The following ZBTB40 variants were observed in gnomAD, a reference collection of about 807,000 sequenced individuals.
ZBTB40 encodes the protein zinc finger and BTB domain containing 40.
In ZBTB40, 60 loss-of-function variants were observed where a neutral mutation model predicts 117.5. The observed-to-expected ratio is 0.51, with a 90% CI of 0.41 to 0.63. ZBTB40 has a LOEUF of 0.63. Ranked by LOEUF, ZBTB40 falls within the 30% of genes least tolerant of loss-of-function variation. The probability of loss-of-function intolerance (pLI) is 0.00; values close to 1 mark genes in which losing one functional copy is unlikely to be tolerated. For missense variants in ZBTB40, 1,287 were observed against 1,498.5 expected, an observed-to-expected ratio of 0.86 and a Z score of 2.33; for synonymous variants, 525 against 577.1, an observed-to-expected ratio of 0.91 and a Z score of 1.29.
chr1:22,497,083 T>G (rs1055768844), intron 3 of ZBTB40, among the ~76,000 whole-genome samples: 13 of 152,224 alleles, frequency 8.5e-5, no homozygotes, highest in Non-Finnish European at 1.6e-4. Context: ...GGGAGAAAGA[T>G]GAAGGCTGAA....
chr1:22,479,692 C>T (rs1370715990), intron 1 of ZBTB40, among the ~76,000 whole-genome samples: 2 of 152,176 alleles, frequency 1.3e-5, no homozygotes, highest in African/African-American at 4.8e-5. Context: ...ACATGTTCTC[C>T]AGTGTCTCCA....
chr1:22,526,111 A>G (rs1336059199), intron 17 of ZBTB40, 91 bp from the exon 18 acceptor site: 4 of 1,472,050 alleles, frequency 2.7e-6, no homozygotes, highest in African/African-American at 1.4e-5. Flanking sequence ...AAACATAAAT[A>G]TCATCATTAC....
chr1:22,465,368 TGGCTGAGTCCGG>T (rs774142363), intron 1 of ZBTB40, among the ~76,000 whole-genome samples: 2 of 152,172 alleles, frequency 1.3e-5, no homozygotes, highest in Non-Finnish European at 2.9e-5. Flanking sequence ...TACTCAGCTG[TGGCTGAGTCCGG>T]GGCTTTTATG....
rs577900930 is a variant in ZBTB40 at position 22,501,509 on chromosome 1, C to T, written c.849C>T (p.Phe283=). The T allele has an allele frequency of 1.0e-4, 169 of 1,614,038 alleles. No homozygotes were observed. The Middle Eastern group carries it at 1.2e-3, about 11-fold the overall frequency. The change falls in exon 4 of 18, where the codon TTC becomes TTT. Residue 283 remains phenylalanine, a synonymous_variant. Transcript: ENST00000375647. ...TTCCATAGATGATAGTGAAATGTTT[C>T]GAGGGTGAAGGAGGACATTCAGCAT... ...GPQKEMIVKC[F]EGEGGHSAFQ...
At chr1:22,451,399 C>A (rs1363449812), upstream of ZBTB40, among the ~76,000 whole-genome samples, 1 of 152,102 alleles carries the variant, frequency 6.6e-6, no homozygotes, top group Non-Finnish European at 1.5e-5. Flanking sequence ...TGGTGGGAGG[C>A]CGAGGCAGGT....
intron 12 of ZBTB40, among the ~76,000 whole-genome samples, chr1:22,516,953 C>T (rs911998065): frequency 3.3e-5 from 5 of 152,134 alleles, no homozygotes; most frequent in Admixed American, 6.5e-5. Context: ...CCAGGGGATC[C>T]AAACCCACGT....
intron 3 of ZBTB40, among the ~76,000 whole-genome samples, chr1:22,498,523 C>T (rs1323056891): frequency 2.0e-5 from 3 of 152,204 alleles, no homozygotes; most frequent in Non-Finnish European, 4.4e-5. Context: ...GCTAACTGCC[C>T]TCTCCTGGCC....
At chr1:22,519,372 GGAGT>G (rs1227661683) in intron 13 of ZBTB40, among the ~76,000 whole-genome samples, 1 of 152,176 alleles carries the variant, frequency 6.6e-6, no homozygotes, top group Non-Finnish European at 1.5e-5. Flanking sequence ...CATGGATTTG[GGAGT>G]GAGAGATGGG....
Position 22,526,477 on chromosome 1 carries a change from G to C in ZBTB40, c.*81G>C. The C allele has an allele frequency of 1.3e-6, 2 of 1,578,292 alleles. No homozygotes were observed. Among genetic ancestry groups the C allele is most frequent in the Non-Finnish European group, 1.7e-6 (2 of 1,154,618 alleles). ...AGCTTGCCCTTTGCCCTCCATCCCT[G>C]GCTGTCCTGAGTGGTGAGCATCTTA... On this transcript the variant is annotated 3_prime_UTR_variant, in exon 18 of 18. Coordinates refer to ENST00000375647, the MANE Select transcript of ZBTB40 (RefSeq NM_014870.4).
At position 22,490,481 on chromosome 1, in the gene ZBTB40, C is replaced by G. The variant is rs780338674; in HGVS notation, c.533C>G (p.Ala178Gly). The change falls in exon 2 of 18, where the codon GCA becomes GGA. Residue 178 changes from alanine (A) to glycine (G), a missense_variant. Transcript: ENST00000375647. ...CCTGTGAAAGCTGAGACTGAGGAAG[C>G]AGCCCATTCAGTTTCACAAGAGATG... ...GGPVKAETEEAAHSVSQEMSV... is the reference protein window; with the variant it reads ...GGPVKAETEEGAHSVSQEMSV... The G allele has an allele frequency of 1.3e-6, 2 of 1,598,446 alleles. No homozygotes were observed. Among genetic ancestry groups the G allele is most frequent in the Middle Eastern group, 1.7e-4 (1 of 5,956 alleles).
intron 1 of ZBTB40, among the ~76,000 whole-genome samples, 171 bp downstream of exon 1, chr1:22,452,175 C>T (rs1640892632): frequency 6.6e-6 from 1 of 152,160 alleles, no homozygotes; most frequent in South Asian, 2.1e-4. Flanking sequence ...CCTCCAGGGG[C>T]GGTCCGCACC....
In ZBTB40 at chr1:22,491,421, A is replaced by G. The variant is rs1302062053; in HGVS notation, c.719A>G (p.Gln240Arg). ...TEPGCERKHYQLNFLLENEGV... is the reference protein window; with the variant it reads ...TEPGCERKHYRLNFLLENEGV... ...TTAGGATGTGAAAGGAAACACTACCAGCTGAATTTTCTTCTAGAAAATGAA... is the reference window on the plus strand; with the variant it reads ...TTAGGATGTGAAAGGAAACACTACCGGCTGAATTTTCTTCTAGAAAATGAA... The change falls in exon 3 of 18, where the codon CAG (glutamine) becomes CGG (arginine). Residue 240 changes from glutamine (Q) to arginine (R), a missense_variant. This residue lies in a region of ZBTB40 where 870 missense variants were observed against 934.4 expected (regional missense o/e 0.93). Transcript: ENST00000375647. 1 of 1,613,988 alleles carries G rather than the reference A, an allele frequency of 6.2e-7. No homozygotes were observed. The highest frequency in any genetic ancestry group is 8.5e-7 in the Non-Finnish European group (1 of 1,179,928).
rs564179386 is a variant in ZBTB40 at position 22,484,471 on chromosome 1, A to G, written c.-69-5409A>G. On this transcript the variant is annotated intron_variant, in intron 1 of 17. Coordinates refer to ENST00000375647, the MANE Select transcript of ZBTB40 (RefSeq NM_014870.4). ...CTTATTGCTGGTATATAGGAAAACA[A>G]TTGGCTTTTGTATATTAACCTTATG... Among the ~76,000 whole-genome samples the G allele has an allele frequency of 3.3e-5, 5 of 152,322 alleles. No homozygotes were observed. In the South Asian group the frequency reaches 1.0e-3, roughly 32 times the overall value.
chr1:22,506,280 C>T (rs1557513487), intron 6 of ZBTB40, 39 bp downstream of exon 6: 2 of 1,604,052 alleles, frequency 1.2e-6, no homozygotes, highest in East Asian at 2.2e-5. Context: ...TGGAACCACT[C>T]TTCCAGAAAA....
chr1:22,474,204 C>T (rs549429474), intron 1 of ZBTB40, among the ~76,000 whole-genome samples: 1 of 152,284 alleles, frequency 6.6e-6, no homozygotes, highest in East Asian at 1.9e-4. Flanking sequence ...ATTCGAGTAT[C>T]GCTCCAAATC....
intron 1 of ZBTB40, among the ~76,000 whole-genome samples, chr1:22,437,973 A>G (rs1172186966): frequency 1.3e-5 from 2 of 151,744 alleles, no homozygotes; most frequent in Admixed American, 1.3e-4. Flanking sequence ...TCTACTAAAA[A>G]TACAAAATTA....
chr1:22,526,059 G>C (rs1156968442), intron 17 of ZBTB40, 143 bp from the exon 18 acceptor site: 2 of 920,366 alleles, frequency 2.2e-6, no homozygotes, highest in Admixed American at 2.0e-5. Flanking sequence ...GGTTAGACTT[G>C]CCTCTTCCCA....
Position 22,464,212 on chromosome 1 carries a change from G to C in ZBTB40, c.-70+12208G>C, listed in dbSNP as rs115882843. ...GAGCTCCTAATAGGTTAGGTAATTT[G>C]CCCAGGATCACACACTTTGTAATTG... is the stretch of plus-strand genomic sequence containing the variant. On this transcript the variant is annotated intron_variant, in intron 1 of 17. Transcript: ENST00000375647. Among the ~76,000 whole-genome samples the C allele has an allele frequency of 2.6e-3, 397 of 152,352 alleles. 3 individuals carry two copies. The highest frequency in any genetic ancestry group is 3.8e-3 in the Non-Finnish European group (259 of 68,040).
At chr1:22,444,314 G>A (rs1640765324) in intron 1 of ZBTB40, among the ~76,000 whole-genome samples, 1 of 152,072 alleles carries the variant, frequency 6.6e-6, no homozygotes, top group Non-Finnish European at 1.5e-5. Context: ...TAGCTACTTG[G>A]GAGGCTGAGT....
Sources: allele counts gnomAD v4.1 joint callset (sites outside exome capture counted in the v4.1 genomes callset), GRCh38; gene constraint gnomAD v4.1.1; regional missense constraint gnomAD v4.1.1; transcripts MANE v1.5; gene names NCBI Gene and HGNC (gene_info 2026-07-23, HGNC 2026-07-21).